LVRN: variants seen among roughly 807,000 people sequenced by gnomAD.
LVRN encodes the protein laeverin.
A neutral mutation model predicts 111.4 loss-of-function variants in LVRN; 99 were observed. The ratio of observed to expected loss-of-function variants is 0.89; its 90% confidence interval spans 0.76 to 1.05. LVRN has a LOEUF of 1.05. LVRN is among the 50% of genes least tolerant of loss of function. The pLI, the probability that LVRN is intolerant of heterozygous loss-of-function variation, is 0.00. For synonymous variants in LVRN, 488 were observed against 449.5 expected (o/e 1.09, Z -1.08); for missense variants, 1,414 against 1,206.8 (o/e 1.17, Z -2.54).
intron 11 of LVRN, 149 bp from the exon 12 acceptor site, chr5:116,003,092 A>G (rs1748270975): frequency 2.3e-6 from 2 of 885,570 alleles, no homozygotes; most frequent in African/African-American, 3.4e-5. Flanking sequence ...AAAAATATAT[A>G]ATTACCTGGT....
At chr5:115,997,570 G>A (rs1163755998) in intron 6 of LVRN, among the ~76,000 whole-genome samples, 1 of 151,770 alleles carries the variant, frequency 6.6e-6, no homozygotes, top group Non-Finnish European at 1.5e-5. Flanking sequence ...AGGCTGCAGT[G>A]AGAGGATTGA....
chr5:115,983,320 T>C lies in LVRN; in HGVS notation c.729T>C (p.Phe243=). ...TAGCGTCCCAGCTGGAACCAACATT[T>C]GCCAGGTATGTTTTCCCTTGTTTTG... is the stretch of plus-strand genomic sequence containing the variant. ...ALLASQLEPT[F]ARYVFPCFDE... The change falls in exon 2 of 20, where the codon TTT becomes TTC. Residue 243 remains phenylalanine, a synonymous_variant. Transcript: ENST00000357872. 1 of 1,607,476 alleles carries C rather than the reference T, an allele frequency of 6.2e-7. No homozygotes were observed.
chr5:115,984,706 G>A lies in LVRN; in HGVS notation c.975G>A (p.Lys325=). 3 of 1,613,480 alleles carry A rather than the reference G, an allele frequency of 1.9e-6. No individual in the cohort carries two copies. Among genetic ancestry groups the A allele is most frequent in the Non-Finnish European group, 1.7e-6 (2 of 1,179,650 alleles). The part of the protein sequence containing the change: ...YDHVNRTERG[K]EIRIWARKDA... ...ACGTCAACAGAACAGAAAGGGGCAA[G>A]GAGGTGAGTGAGGAAGATTCTGTAG... is the stretch of plus-strand genomic sequence containing the variant. The change falls in exon 3 of 20, where the codon AAG becomes AAA. Residue 325 remains lysine (K), a synonymous_variant. Transcript: ENST00000357872.
At chr5:116,012,222 C>A in intron 14 of LVRN, 152 bp from the exon 15 acceptor site, 8 of 513,340 alleles carry the variant, frequency 1.6e-5, no homozygotes, top group East Asian at 7.9e-5. Context: ...AAAAATAAAC[C>A]AGTTATATAT....
At chr5:115,964,142 G>T (rs1397861029) in intron 1 of LVRN, among the ~76,000 whole-genome samples, 1 of 152,202 alleles carries the variant, frequency 6.6e-6, no homozygotes, top group Admixed American at 6.5e-5. Context: ...GAACTCCAGG[G>T]AAATAGCTTA....
At chr5:116,018,911 A>G (rs897101639) in intron 18 of LVRN, among the ~76,000 whole-genome samples, 1 of 152,142 alleles carries the variant, frequency 6.6e-6, no homozygotes, top group African/African-American at 2.4e-5. Context: ...CAGAGTTCCC[A>G]TATATCCCTC....
intron 1 of LVRN, among the ~76,000 whole-genome samples, chr5:115,973,422 A>T (rs1415557588): frequency 6.6e-6 from 1 of 152,246 alleles, no homozygotes; most frequent in Non-Finnish European, 1.5e-5. Flanking sequence ...GCTTCAAATA[A>T]TGCATTCAGA....
Position 116,000,629 on chromosome 5 carries a change from C to T in LVRN, c.1618C>T (p.Gln540Ter), listed in dbSNP as rs1180912615. The T allele has an allele frequency of 1.9e-6, 3 of 1,613,976 alleles. No homozygotes were observed. The Admixed American group carries it at 5.0e-5, about 27-fold the overall frequency. ...LKTFSYSNAE[Q>*]DDLWRHFQMA... ...GACATTTTCCTACTCAAACGCTGAG[C>T]AAGATGATCTATGGAGGCATTTTCA... The change falls in exon 9 of 20, where the codon CAA becomes TAA. Residue 540 changes from glutamine (Q) to a stop codon, truncating the protein, a stop_gained. Coordinates refer to ENST00000357872, the MANE Select transcript of LVRN (RefSeq NM_173800.5). LOFTEE classifies it high-confidence loss of function.
chr5:116,013,938 G>A (rs1748543197), intron 15 of LVRN, among the ~76,000 whole-genome samples: 1 of 152,110 alleles, frequency 6.6e-6, no homozygotes. Context: ...AGGAGTAGAA[G>A]AAACACACTA....
At chr5:116,003,901 A>G (rs1748299298) in intron 12 of LVRN, among the ~76,000 whole-genome samples, 1 of 152,144 alleles carries the variant, frequency 6.6e-6, no homozygotes, top group African/African-American at 2.4e-5. Context: ...GTTTTTGAAC[A>G]TTCATTTTGC....
intron 15 of LVRN, 101 bp downstream of exon 15, chr5:116,012,569 A>C (rs943606994): frequency 1.4e-6 from 1 of 706,048 alleles, no homozygotes; most frequent in African/African-American, 1.9e-5. Flanking sequence ...ATTCATTGAG[A>C]GATTTTATAT....
At chr5:115,974,524 T>C (rs576313256) in intron 1 of LVRN, 1 of 152,348 alleles carries the variant, frequency 6.6e-6, no homozygotes, top group Non-Finnish European at 1.5e-5. Flanking sequence ...ATAAAACTTC[T>C]TGGGCGTTCC....
intron 18 of LVRN, among the ~76,000 whole-genome samples, chr5:116,018,858 A>T (rs547297348): frequency 6.6e-6 from 1 of 152,296 alleles, no homozygotes; most frequent in African/African-American, 2.4e-5. Flanking sequence ...TAATAAACTT[A>T]ATTTTTTAGG....
chr5:116,007,729 T>C (rs1367691474), intron 13 of LVRN, among the ~76,000 whole-genome samples: 2 of 152,240 alleles, frequency 1.3e-5, no homozygotes, highest in Non-Finnish European at 2.9e-5. Flanking sequence ...TGTTACAAAT[T>C]GAAGATTTGT....
At chr5:115,974,898 G>T (rs1753407235) in intron 1 of LVRN, 1 of 467,374 alleles carries the variant, frequency 2.1e-6, no homozygotes, top group Non-Finnish European at 4.3e-6. Flanking sequence ...GTATCACCAT[G>T]CAGAGACTCT....
intron 18 of LVRN, among the ~76,000 whole-genome samples, chr5:116,019,083 A>G (rs74459592): frequency 0.037 from 5,608 of 152,264 alleles, 274 homozygotes; most frequent in African/African-American, 0.11. Flanking sequence ...ACAAACCTAG[A>G]TGGTAGAGCC....
In LVRN at chr5:115,962,679, G is replaced by C; in HGVS notation, c.62G>C (p.Gly21Ala). 3 of 1,610,712 alleles carry C rather than the reference G, an allele frequency of 1.9e-6. No individual in the cohort carries two copies. Among genetic ancestry groups the C allele is most frequent in the Non-Finnish European group, 2.5e-6 (3 of 1,179,636 alleles). The change falls in exon 1 of 20, where the codon GGG becomes GCG. Residue 21 changes from glycine (G) to alanine (A), a missense_variant. By Grantham distance (60) the Gly-to-Ala change is moderately conservative. Coordinates refer to ENST00000357872, the MANE Select transcript of LVRN (RefSeq NM_173800.5). ...VSRAVALLLAGLVAALLLALA... is the reference protein window; with the variant it reads ...VSRAVALLLAALVAALLLALA... ...CGCGCAGTGGCCCTGCTGCTGGCTG[G>C]GCTGGTAGCCGCCCTCCTGCTGGCG...
At chr5:116,020,984 T>C (rs2112645865) in intron 18 of LVRN, 1 of 152,346 alleles carries the variant, frequency 6.6e-6, no homozygotes, top group South Asian at 2.1e-4. Context: ...TAATGCAATT[T>C]TGTTGAGTAA....
intron 1 of LVRN, among the ~76,000 whole-genome samples, chr5:115,970,360 A>G (rs1416440981): frequency 1.3e-5 from 2 of 151,178 alleles, no homozygotes; most frequent in African/African-American, 4.9e-5. Context: ...TCTTTCGTTC[A>G]GTAGAATTAC....
Sources: gnomAD v4.1 joint callset for allele counts (sites outside exome capture counted in the v4.1 genomes callset) on GRCh38, gnomAD v4.1.1 for gene constraint, MANE v1.5 for transcripts, NCBI Gene and HGNC (gene_info 2026-07-23, HGNC 2026-07-21) for gene names.